RNF213: variants seen among roughly 807,000 people sequenced by gnomAD.
The protein encoded by RNF213 is E3 ubiquitin-protein ligase RNF213.
Under a neutral mutation model 514.4 loss-of-function variants are expected in RNF213, and 341 were observed. The observed-to-expected ratio is 0.66, with a 90% CI of 0.61 to 0.73. The LOEUF (loss-of-function observed/expected upper bound fraction) is 0.73. Among genes scored for constraint, RNF213 ranks in the 30% least tolerant of loss-of-function variants. RNF213 has a pLI of 0.00. For missense variants in RNF213, 5,767 were observed against 6,615.6 expected, an observed-to-expected ratio of 0.87 and a Z score of 4.45; for synonymous variants, 2,655 against 2,658.2, an observed-to-expected ratio of 1.00 and a Z score of 0.04.
Position 80,273,955 on chromosome 17 carries a change from C to CGT in RNF213, c.261+556_261+557dup, listed in dbSNP as rs1598892330. ...TTTTCTTTCTACCAGACCCAATACT[C>CGT]GTGTGTCTCCCAGAAGCTGTGGCTG... On this transcript the variant is annotated intron_variant, in intron 3 of 67. Coordinates refer to ENST00000582970, the MANE Select transcript of RNF213 (RefSeq NM_001256071.3). Among the ~76,000 whole-genome samples the CGT allele has an allele frequency of 2.0e-5, 3 of 152,104 alleles. No individual in the cohort carries two copies. In the East Asian group the frequency reaches 5.8e-4, roughly 29 times the overall value.
intron 2 of RNF213, among the ~76,000 whole-genome samples, chr17:80,266,884 G>T (rs2043627541): frequency 6.6e-6 from 1 of 152,184 alleles, no homozygotes; most frequent in Non-Finnish European, 1.5e-5. Context: ...GAGATAGGCT[G>T]ATAGCTAGGC....
In RNF213 at chr17:80,264,755, C is replaced by G. The variant is rs1172202789; in HGVS notation, c.97+977C>G. On this transcript the variant is annotated intron_variant, in intron 2 of 67. Transcript: ENST00000582970. The surrounding 1 kb of genome is among the most constrained non-coding windows in gnomAD (Gnocchi z 5.0). ...CTTACAAGATCCGCCCCTGCCCCCG[C>G]TGTAACTCAGGACAAGCAGGAGCCC... Among the ~76,000 whole-genome samples, 1 of 152,142 alleles carries G rather than the reference C, an allele frequency of 6.6e-6. No homozygotes were observed. Among genetic ancestry groups the G allele is most frequent in the Non-Finnish European group, 1.5e-5 (1 of 68,030 alleles).
At chr17:80,340,608 GGTTTTTTTTTTT>G (rs920895995) in intron 26 of RNF213, 3 of 224,576 alleles carry the variant, frequency 1.3e-5, no homozygotes, top group African/African-American at 8.8e-5. Flanking sequence ...TGTACTTTGT[GGTTTTTTTTTTT>G]TTTTTTTTTT....
At chr17:80,303,938 C>G (rs1230604320) in intron 11 of RNF213, among the ~76,000 whole-genome samples, 1 of 149,524 alleles carries the variant, frequency 6.7e-6, no homozygotes, top group African/African-American at 2.5e-5. Flanking sequence ...ACTATTAACT[C>G]AGCCCCTGAT....
In RNF213 at chr17:80,386,890, A is replaced by G. The variant is rs2080258266; in HGVS notation, c.14921A>G (p.Lys4974Arg). 6.2e-7 allele frequency: 1 copy of G among 1,610,186 alleles called. No individual in the cohort carries two copies. Among genetic ancestry groups the G allele is most frequent in the Admixed American group, 1.7e-5 (1 of 59,686 alleles). ...CAGGGCAAGCCCCGGCTGAGCCTCA[A>G]GGTAGGGCTGACTCCTGCCACTGCT... is the stretch of plus-strand genomic sequence containing the variant. ...FLQGKPRLSLKGIPTLVYRHD... is the reference protein window; with the variant it reads ...FLQGKPRLSLRGIPTLVYRHD... The change falls in exon 63 of 68, where the codon AAG (lysine) becomes AGG (arginine). Residue 4974 changes from lysine (K) to arginine (R), a missense_variant and splice_region_variant. Physicochemically the swap from Lys to Arg is conservative, Grantham distance 26 (BLOSUM62 2). Around this residue, in one of 13 missense-constraint regions of RNF213, gnomAD observed 1,245 missense variants for 1,339.0 expected, o/e 0.93. Coordinates refer to ENST00000582970, the MANE Select transcript of RNF213 (RefSeq NM_001256071.3).
intron 67 of RNF213, among the ~76,000 whole-genome samples, chr17:80,391,581 C>G (rs770808752): frequency 7.2e-5 from 11 of 151,980 alleles, no homozygotes; most frequent in Non-Finnish European, 1.5e-5. Context: ...CGCTTTGTCT[C>G]TGTAATGGTT....
chr17:80,295,801 G>C lies in RNF213; in HGVS notation c.2000G>C (p.Gly667Ala), dbSNP rs766437352. ...EFHRDLSHIL[G>A]IPQSWRLYLV... ...CACCGTGACCTAAGCCACATCCTTG[G>C]GATACCTCAGAGGTATTATTATTTT... is the stretch of plus-strand genomic sequence containing the variant. The change falls in exon 10 of 68, where the codon GGG (glycine) becomes GCG (alanine). Residue 667 changes from glycine (G) to alanine (A), a missense_variant. Transcript: ENST00000582970. The C allele has an allele frequency of 5.6e-6, 9 of 1,614,006 alleles. No individual in the cohort carries two copies. The South Asian group carries it at 9.9e-5, about 18-fold the overall frequency.
At chr17:80,339,082 C>A in intron 25 of RNF213, 119 bp from the exon 26 acceptor site, 2 of 738,296 alleles carry the variant, frequency 2.7e-6, no homozygotes, top group African/African-American at 1.8e-5. Context: ...GAGCGCAGAT[C>A]ATGCAGTGGG....
chr17:80,364,715 T>C (rs1599140849), intron 42 of RNF213, 162 bp downstream of exon 42: 1 of 786,950 alleles, frequency 1.3e-6, no homozygotes, highest in Non-Finnish European at 2.1e-6. Context: ...CATTACATTT[T>C]CCATGTTTAA....
Position 80,394,116 on chromosome 17 carries a change from G to C in RNF213, c.*618G>C, listed in dbSNP as rs911635573. The C allele has an allele frequency of 5.2e-5, 8 of 153,946 alleles. No homozygotes were observed. Among genetic ancestry groups the C allele is most frequent in the Admixed American group, 3.8e-4 (6 of 15,622 alleles). The allele number at this position is 153,946 out of a possible 1,614,324, so 9.5% of individuals were successfully genotyped here. A position where few individuals can be genotyped will look rare whatever the true frequency, so the allele number is the denominator to read the frequency against. On this transcript the variant is annotated 3_prime_UTR_variant, in exon 68 of 68. Transcript: ENST00000582970. Reference sequence around the variant, plus strand: ...AGTGAGCCACTGCCCCACTTCAGAGGGTAAGAGCCAAAAGCCTCATTGTGA... The same window carrying C: ...AGTGAGCCACTGCCCCACTTCAGAGCGTAAGAGCCAAAAGCCTCATTGTGA...
rs2079121778 is a variant in RNF213 at position 80,363,255 on chromosome 17, C to T, written c.11509C>T (p.Gln3837Ter). ...TTCCAGAATCCTGACCATCTACCCT[C>T]AGGTTCTCCACAGCCTGATGGAAGC... ...NFSRILTIYP[Q>*]VLHSLMEARW... is the part of the protein sequence containing the mutation. The change falls in exon 40 of 68, where the codon CAG (glutamine) becomes TAG (stop). Residue 3837 changes from glutamine to a stop codon, truncating the protein, a stop_gained. Coordinates refer to ENST00000582970, the MANE Select transcript of RNF213 (RefSeq NM_001256071.3). LOFTEE classifies it high-confidence loss of function. 1 of 1,614,144 alleles carries T rather than the reference C, an allele frequency of 6.2e-7. No homozygotes were observed. Among genetic ancestry groups the T allele is most frequent in the Non-Finnish European group, 8.5e-7 (1 of 1,180,036 alleles).
chr17:80,289,608 A>AAG (rs71163947), intron 5 of RNF213, 51 bp from the exon 6 acceptor site: 1 of 1,570,030 alleles, frequency 6.4e-7, no homozygotes, highest in Non-Finnish European at 8.7e-7. Context: ...AAAAAAAAAA[A>AAG]GAAAATGTGG....
In RNF213 at chr17:80,353,755, G is replaced by T; in HGVS notation, c.10578+89G>T. 6.4e-7 allele frequency: 1 copy of T among 1,555,902 alleles called. No individual in the cohort carries two copies. The highest frequency in any genetic ancestry group is 1.4e-5 in the African/African-American group (1 of 73,912). ...AACGCTTTTGCATTGGGAGCTAGAG[G>T]AGTCGCCGCCGCTGTGCAGGGGTGA... On this transcript the variant is annotated intron_variant, in intron 34 of 67. Transcript: ENST00000582970. This position sits in a 1 kb window ranked among gnomAD's most constrained non-coding sequence, Gnocchi z 5.0.
chr17:80,301,201 G>A (rs527313801), intron 11 of RNF213, among the ~76,000 whole-genome samples: 18 of 152,072 alleles, frequency 1.2e-4, no homozygotes, highest in East Asian at 5.8e-4. Context: ...TATTTTTGTC[G>A]TGAAATCTTT....
intron 11 of RNF213, among the ~76,000 whole-genome samples, chr17:80,305,146 G>A (rs2045311389): frequency 6.7e-6 from 1 of 150,216 alleles, no homozygotes; most frequent in Non-Finnish European, 1.5e-5. Context: ...CCCAAGTTGT[G>A]GGGATTACAG....
rs549195090 is a variant in RNF213 at position 80,325,802 on chromosome 17, G to A, written c.3193+604G>A. On this transcript the variant is annotated intron_variant, in intron 18 of 67. Transcript: ENST00000582970. ...GATTCATATCTTTCAGTGAGAAGGC[G>A]CTGGATGTGGAACAGCCAAAATCAA... 7.2e-5 allele frequency among the ~76,000 whole-genome samples: 11 copies of A among 152,178 alleles called. No homozygotes were observed. The East Asian group carries it at 2.1e-3, about 29-fold the overall frequency.
In RNF213 at chr17:80,348,180, G is replaced by C. The variant is rs2144156863; in HGVS notation, c.9845G>C (p.Trp3282Ser). The change falls in exon 29 of 68, where the codon TGG becomes TCG. Residue 3282 changes from tryptophan (W) to serine (S), a missense_variant. Physicochemically the swap from Trp to Ser is radical, Grantham distance 177. This residue lies in a region of RNF213 where 919 missense variants were observed against 1,121.0 expected (regional missense o/e 0.82). Transcript: ENST00000582970. ...AYSLGGFAAE[W>S]LSQEYFHRQR... is the part of the protein sequence containing the mutation. ...TCGCTGGGCGGGTTCGCAGCGGAGT[G>C]GCTGTCGCAGGAGTACTTTCACAGA... The C allele has an allele frequency of 6.2e-7, 1 of 1,613,924 alleles. No individual in the cohort carries two copies. The highest frequency in any genetic ancestry group is 8.5e-7 in the Non-Finnish European group (1 of 1,180,054).
At chr17:80,315,804 G>T (rs2045915140) in intron 15 of RNF213, 1 of 47,548 alleles carries the variant, frequency 2.1e-5, no homozygotes, top group African/African-American at 7.4e-5. Context: ...TGGTGGTGGA[G>T]GTGGTGGTGG....
chr17:80,318,666 C>T (rs944446608), intron 16 of RNF213, among the ~76,000 whole-genome samples: 22 of 152,268 alleles, frequency 1.4e-4, no homozygotes, highest in African/African-American at 3.4e-4. Flanking sequence ...CTCCGCCTCC[C>T]GGGTTCACGC....
Sources: gnomAD v4.1 joint callset for allele counts (sites outside exome capture counted in the v4.1 genomes callset) on GRCh38, gnomAD v4.1.1 for gene constraint, gnomAD v4.1.1 regional missense constraint, Gnocchi (gnomAD v3.1) non-coding constraint, MANE v1.5 for transcripts, NCBI Gene and HGNC (gene_info 2026-07-23, HGNC 2026-07-21) for gene names.